The following SNX29 variants were observed in gnomAD, a reference collection of about 807,000 sequenced individuals.
SNX29 encodes the protein sorting nexin-29.
A neutral mutation model predicts 102.1 loss-of-function variants in SNX29; 78 were observed. The ratio of observed to expected loss-of-function variants is 0.76; its 90% CI spans 0.64 to 0.92. The LOEUF is 0.92. SNX29 is among the 40% of genes least tolerant of loss of function. The pLI is 0.00. For missense variants in SNX29, 1,280 were observed against 1,061.7 expected (o/e 1.21, Z -2.86); for synonymous variants, 580 against 414.5 (o/e 1.40, Z -4.85).
chr16:12,016,022 G>A (rs979623452), intron 3 of SNX29, among the ~76,000 whole-genome samples: 15 of 151,596 alleles, frequency 9.9e-5, no homozygotes, highest in Non-Finnish European at 1.6e-4. Context: ...CCGCCACCAC[G>A]CCCGGCTAAT....
At chr16:12,015,117 A>G (rs1430046525) in intron 3 of SNX29, among the ~76,000 whole-genome samples, 1 of 152,154 alleles carries the variant, frequency 6.6e-6, no homozygotes, top group African/African-American at 2.4e-5. Context: ...ATAGCCATGT[A>G]TATATACACA....
At chr16:12,564,487 TAG>T (rs1257203373) in intron 20 of SNX29, among the ~76,000 whole-genome samples, 2 of 152,250 alleles carry the variant, frequency 1.3e-5, no homozygotes, top group Non-Finnish European at 2.9e-5. Flanking sequence ...CTCCAAGGTC[TAG>T]AGTGTCTTAA....
At position 12,476,351 on chromosome 16, in the gene SNX29, CAAAAAAAAAAAAAAA is replaced by C. The variant is rs150729550; in HGVS notation, c.2038-1349_2038-1335del. On this transcript the variant is annotated intron_variant, in intron 18 of 20. Transcript: ENST00000566228. Reference sequence around the variant, plus strand: ...GAGCAAAGGACACAGCGACATTTCTCAAAAAAAAAAAAAAAAAAAAAAAAAAAAAAAAATATATAT... The same window carrying C: ...GAGCAAAGGACACAGCGACATTTCTCAAAAAAAAAAAAAAAAAATATATAT... Among the ~76,000 whole-genome samples the C allele has an allele frequency of 2.7e-3, 24 of 9,050 alleles. 1 individual carries two copies. Among genetic ancestry groups the C allele is most frequent in the East Asian group, 0.014 (4 of 276 alleles). 5.9% of individuals were successfully genotyped at this position (9,050 alleles called of 152,430 possible). A position where few individuals can be genotyped will look rare whatever the true frequency, so the allele number is the denominator to read the frequency against.
At chr16:12,304,717 C>T (rs527760421) in intron 15 of SNX29, among the ~76,000 whole-genome samples, 1 of 152,278 alleles carries the variant, frequency 6.6e-6, no homozygotes, top group East Asian at 1.9e-4. Context: ...TCTTGCTTCT[C>T]CTCCTATTTT....
intron 4 of SNX29, among the ~76,000 whole-genome samples, chr16:12,030,036 C>T (rs374794953): frequency 1.3e-5 from 2 of 152,326 alleles, no homozygotes; most frequent in South Asian, 2.1e-4. Flanking sequence ...GTCTAATCTT[C>T]CCTGTCTGTT....
At chr16:11,978,743 A>G (rs993440691) in intron 1 of SNX29, among the ~76,000 whole-genome samples, 1 of 152,124 alleles carries the variant, frequency 6.6e-6, no homozygotes, top group Admixed American at 6.6e-5. Flanking sequence ...AAGCCAATAG[A>G]AATTGATCAG....
intron 20 of SNX29, among the ~76,000 whole-genome samples, chr16:12,547,355 C>CA (rs1270586490): frequency 6.6e-6 from 1 of 152,094 alleles, no homozygotes; most frequent in Admixed American, 6.5e-5. Flanking sequence ...CTCTAGCTGC[C>CA]ATGTGGAGTC....
chr16:12,455,351 G>C (rs1434080186), intron 18 of SNX29, among the ~76,000 whole-genome samples: 1 of 151,886 alleles, frequency 6.6e-6, no homozygotes, highest in Non-Finnish European at 1.5e-5. Context: ...TTTTTTTTGA[G>C]AACCTCCAGC....
intron 14 of SNX29, among the ~76,000 whole-genome samples, chr16:12,214,641 T>G (rs1181555808): frequency 6.6e-6 from 1 of 152,184 alleles, no homozygotes; most frequent in African/African-American, 2.4e-5. Flanking sequence ...TCTCCTGGTC[T>G]GGGCTTAATT....
chr16:12,425,536 AAAAAAAAATAAAAAAAAT>A (rs1210080858), intron 18 of SNX29, among the ~76,000 whole-genome samples: 1 of 132,044 alleles, frequency 7.6e-6, no homozygotes, highest in Admixed American at 7.9e-5. Flanking sequence ...AGTTAAAAAA[AAAAAAAAATAAAAAAAAT>A]AAAAAGAGGG....
rs562110996 is a variant in SNX29 at position 12,147,440 on chromosome 16, T to C, written c.1595+17682T>C. 4.6e-5 allele frequency among the ~76,000 whole-genome samples: 7 copies of C among 152,352 alleles called. No individual in the cohort carries two copies. In the South Asian group the frequency reaches 1.5e-3, roughly 32 times the overall value. The stretch of plus-strand genomic sequence containing the variant: ...GGGAAATGCTTTTCCCATTCATTAA[T>C]GCTTCATTTCTTGTCTTTTCTAATG... On this transcript the variant is annotated intron_variant, in intron 13 of 20. Coordinates refer to ENST00000566228, the MANE Select transcript of SNX29 (RefSeq NM_032167.5).
intron 18 of SNX29, among the ~76,000 whole-genome samples, chr16:12,465,310 G>C (rs2087000933): frequency 6.6e-6 from 1 of 152,172 alleles, no homozygotes; most frequent in South Asian, 2.1e-4. Context: ...GTGTCTACAA[G>C]CTCATTCCCT....
At chr16:12,326,698 C>G (rs373548060) in intron 15 of SNX29, among the ~76,000 whole-genome samples, 1 of 152,140 alleles carries the variant, frequency 6.6e-6, no homozygotes, top group Non-Finnish European at 1.5e-5. Flanking sequence ...AAGTCACTCC[C>G]AAGTCTCCAA....
rs8054946 is a variant in SNX29 at position 12,018,703 on chromosome 16, G to C, written c.123-8617G>C. 1.4e-3 allele frequency among the ~76,000 whole-genome samples: 206 copies of C among 148,956 alleles called. 1 individual carries two copies. The highest frequency in any genetic ancestry group is 4.8e-3 in the African/African-American group (196 of 40,716). ...TGTTATGGTGTCTTTGTTTTTCTTT[G>C]TGCAAATTTGTGGGGTATATTATCT... On this transcript the variant is annotated intron_variant, in intron 3 of 20. Coordinates refer to ENST00000566228, the MANE Select transcript of SNX29 (RefSeq NM_032167.5).
chr16:12,555,544 A>G (rs1484794897), intron 20 of SNX29, among the ~76,000 whole-genome samples: 1 of 150,468 alleles, frequency 6.6e-6, no homozygotes, highest in Admixed American at 6.6e-5. Context: ...GGGAGGTCAT[A>G]CCGTGGGTTT....
chr16:12,018,338 G>C (rs1449394850), intron 3 of SNX29, among the ~76,000 whole-genome samples: 1 of 151,880 alleles, frequency 6.6e-6, no homozygotes. Flanking sequence ...AGCACTTTGG[G>C]AGGCCAAGGC....
chr16:12,563,801 A>C (rs78587321), intron 20 of SNX29, among the ~76,000 whole-genome samples: 6,285 of 152,036 alleles, frequency 0.041, 448 homozygotes, highest in African/African-American at 0.14. Context: ...TGCAACACCC[A>C]CCCATTTGCT....
intron 3 of SNX29, among the ~76,000 whole-genome samples, chr16:12,005,378 A>G (rs887642800): frequency 1.3e-5 from 2 of 151,828 alleles, no homozygotes; most frequent in African/African-American, 4.8e-5. Flanking sequence ...TATGTGCATG[A>G]GTGTGTGTGT....
intron 19 of SNX29, among the ~76,000 whole-genome samples, chr16:12,517,032 G>A (rs149492724): frequency 3.9e-5 from 6 of 152,214 alleles, no homozygotes; most frequent in African/African-American, 1.2e-4. Flanking sequence ...AAATTGTCTC[G>A]AGTGTTCTTT....
Sources: gnomAD v4.1 joint callset for allele counts (sites outside exome capture counted in the v4.1 genomes callset) on GRCh38, gnomAD v4.1.1 for gene constraint, MANE v1.5 for transcripts, NCBI Gene and HGNC (gene_info 2026-07-23, HGNC 2026-07-21) for gene names.